KCNS3: variants seen among roughly 807,000 people sequenced by gnomAD.
The protein encoded by KCNS3 is potassium voltage-gated channel modifier subfamily S member 3, also known as delayed-rectifier potassium channel regulatory subunit KCNS3.
KCNS3 carries 13 observed loss-of-function variants against 31.0 expected under a neutral mutation model. That is an observed-to-expected ratio of 0.42 (90% CI 0.27 to 0.67). The LOEUF is 0.67. Among genes scored for constraint, KCNS3 ranks in the 30% least tolerant of loss-of-function variants. The pLI, the probability that KCNS3 is intolerant of heterozygous loss-of-function variation, is 0.25. For missense variants in KCNS3, 545 were observed against 622.4 expected, an observed-to-expected ratio of 0.88 and a Z score of 1.32; for synonymous variants, 238 against 241.5, an observed-to-expected ratio of 0.99 and a Z score of 0.13.
chr2:17,893,331 C>T (rs562594180), intron 1 of KCNS3, among the ~76,000 whole-genome samples: 1 of 152,160 alleles, frequency 6.6e-6, no homozygotes, highest in Non-Finnish European at 1.5e-5. Context: ...AAAACTTGCC[C>T]GAGGCCATCT....
chr2:17,929,947 C>A (rs1662918726), intron 2 of KCNS3, among the ~76,000 whole-genome samples: 1 of 152,134 alleles, frequency 6.6e-6, no homozygotes, highest in Non-Finnish European at 1.5e-5. Context: ...CCAGTAGTAT[C>A]AGGTGGGGAC....
chr2:17,921,913 G>GTGTA (rs1290369628), intron 2 of KCNS3, among the ~76,000 whole-genome samples: 4 of 34,106 alleles, frequency 1.2e-4, no homozygotes, highest in African/African-American at 2.2e-4. Context: ...GTGTGTGTGT[G>GTGTA]TGTATATATA....
chr2:17,929,679 C>T (rs1406537519), intron 2 of KCNS3, among the ~76,000 whole-genome samples: 2 of 152,184 alleles, frequency 1.3e-5, no homozygotes, highest in Non-Finnish European at 2.9e-5. Context: ...GCTTTTTTCT[C>T]AGTAATCCCA....
chr2:17,930,366 A>C (rs192614810), intron 2 of KCNS3, among the ~76,000 whole-genome samples: 2 of 152,346 alleles, frequency 1.3e-5, no homozygotes, highest in Admixed American at 1.3e-4. Context: ...GATTGTCCAC[A>C]TCCAAACACA....
chr2:17,910,154 A>G (rs1473091836), intron 1 of KCNS3, among the ~76,000 whole-genome samples: 2 of 152,270 alleles, frequency 1.3e-5, no homozygotes, highest in Non-Finnish European at 2.9e-5. Flanking sequence ...TGAGTTAGCA[A>G]TATATTTGCT....
rs534077074 is a variant in KCNS3, at chr2:17,932,355, C to T, written c.1347C>T (p.His449=). 42 of 1,614,052 alleles carry T rather than the reference C, an allele frequency of 2.6e-5. No individual in the cohort carries two copies. Among genetic ancestry groups the T allele is most frequent in the African/African-American group, 1.3e-4 (10 of 75,010 alleles). The part of the protein sequence containing the change: ...NIRDIYAQRM[H]TFITSLSSVG... ...GGGATATATATGCACAGCGGATGCA[C>T]ACCTTCATTACCAGTCTCTCTTCTG... The change falls in exon 3 of 3, where the codon CAC becomes CAT. Residue 449 remains histidine (H), a synonymous_variant. Transcript: ENST00000304101.
chr2:17,905,400 C>T (rs1238569108), intron 1 of KCNS3, among the ~76,000 whole-genome samples: 143 of 143,146 alleles, frequency 1.0e-3, no homozygotes, highest in African/African-American at 2.1e-3. Context: ...ATCATGTCAT[C>T]TGCAAACAGG....
chr2:17,905,455 T>C (rs1177910541), intron 1 of KCNS3, among the ~76,000 whole-genome samples: 11 of 152,176 alleles, frequency 7.2e-5, no homozygotes, highest in African/African-American at 1.2e-4. Flanking sequence ...CCTTTATTTC[T>C]TTCTCCTGCC....
intron 2 of KCNS3, among the ~76,000 whole-genome samples, chr2:17,918,481 T>G (rs1377955222): frequency 6.6e-6 from 1 of 152,186 alleles, no homozygotes; most frequent in Admixed American, 6.5e-5. Flanking sequence ...CTTAGACAAG[T>G]GGGGACAGTT....
At chr2:17,911,127 T>C (rs1662462725) in intron 1 of KCNS3, among the ~76,000 whole-genome samples, 1 of 152,234 alleles carries the variant, frequency 6.6e-6, no homozygotes, top group Admixed American at 6.5e-5. Flanking sequence ...CTCGAGGGAC[T>C]CTACCTCTTC....
intron 1 of KCNS3, among the ~76,000 whole-genome samples, chr2:17,887,988 A>C (rs529119864): frequency 1.3e-5 from 2 of 151,566 alleles, no homozygotes; most frequent in East Asian, 3.9e-4. Context: ...AGAATTGTCT[A>C]TTTATGTCCT....
chr2:17,912,898 A>T (rs1204600440), intron 1 of KCNS3, among the ~76,000 whole-genome samples: 1 of 152,252 alleles, frequency 6.6e-6, no homozygotes, highest in East Asian at 1.9e-4. Flanking sequence ...ACAGATTTTT[A>T]AAAATCATGT....
intron 1 of KCNS3, among the ~76,000 whole-genome samples, chr2:17,888,989 T>C (rs1661772623): frequency 6.6e-6 from 1 of 152,028 alleles, no homozygotes; most frequent in African/African-American, 2.4e-5. Flanking sequence ...TTGATGGGGA[T>C]TGCATTGAAT....
chr2:17,908,454 T>C (rs1054454927), intron 1 of KCNS3, among the ~76,000 whole-genome samples: 79 of 152,376 alleles, frequency 5.2e-4, no homozygotes, highest in African/African-American at 1.8e-3. Context: ...CCTTCTTTTC[T>C]CAACTCGTCA....
At chr2:17,899,902 T>C (rs1459122103) in intron 1 of KCNS3, among the ~76,000 whole-genome samples, 1 of 152,216 alleles carries the variant, frequency 6.6e-6, no homozygotes, top group Non-Finnish European at 1.5e-5. Flanking sequence ...AACACTCATT[T>C]AGGGAGATAA....
At chr2:17,884,910 A>G (rs1661599803) in intron 1 of KCNS3, among the ~76,000 whole-genome samples, 1 of 145,026 alleles carries the variant, frequency 6.9e-6, no homozygotes, top group African/African-American at 2.6e-5. Context: ...GTAACTGAGC[A>G]TATTGCTTGT....
chr2:17,879,850 G>A lies in KCNS3; in HGVS notation c.-252+1044G>A, dbSNP rs56884760. On this transcript the variant is annotated intron_variant, in intron 1 of 2. Transcript: ENST00000304101. ...CCTCCACCTGCCAAAATGACCCAGG[G>A]GCCCTGGTTTGGTGCCAAGGCGTGA... 2.4e-4 allele frequency among the ~76,000 whole-genome samples: 36 copies of A among 151,998 alleles called. 1 individual carries two copies. The highest frequency in any genetic ancestry group is 2.4e-3 in the Admixed American group (36 of 15,280).
At chr2:17,928,392 G>A (rs1288465548) in intron 2 of KCNS3, among the ~76,000 whole-genome samples, 3 of 152,096 alleles carry the variant, frequency 2.0e-5, no homozygotes, top group African/African-American at 4.8e-5. Context: ...TCAGCCTCTC[G>A]AGTAGCTGAG....
chr2:17,910,093 A>G (rs1217721863), intron 1 of KCNS3, among the ~76,000 whole-genome samples: 1 of 152,244 alleles, frequency 6.6e-6, no homozygotes, highest in Non-Finnish European at 1.5e-5. Context: ...CAGGATGTAA[A>G]GGAATCCAGT....
Sources: gnomAD v4.1 joint callset for allele counts (sites outside exome capture counted in the v4.1 genomes callset) on GRCh38, gnomAD v4.1.1 for gene constraint, MANE v1.5 for transcripts, NCBI Gene and HGNC (gene_info 2026-07-23, HGNC 2026-07-21) for gene names.